The following NCOA2 variants were observed in gnomAD, a reference collection of about 807,000 sequenced individuals.
NCOA2 encodes the protein nuclear receptor coactivator 2.
In NCOA2, 21 loss-of-function variants were observed where a neutral mutation model predicts 145.1. That is an observed-to-expected ratio of 0.14 (90% CI 0.10 to 0.21). The LOEUF is 0.21. NCOA2 is among the 10% of genes least tolerant of loss of function. The pLI is 1.00. For missense variants in NCOA2, 1,472 were observed against 1,837.6 expected (o/e 0.80, Z 3.64); for synonymous variants, 619 against 637.5 (o/e 0.97, Z 0.44).
intron 2 of NCOA2, among the ~76,000 whole-genome samples, chr8:70,240,135 C>T (rs147673869): frequency 2.6e-5 from 4 of 152,292 alleles, no homozygotes; most frequent in African/African-American, 7.2e-5. Flanking sequence ...TCTCCTAACA[C>T]GGCCTTGAAC....
chr8:70,143,129 T>C (rs1266287671), intron 13 of NCOA2, among the ~76,000 whole-genome samples: 7 of 152,174 alleles, frequency 4.6e-5, no homozygotes, highest in Admixed American at 2.0e-4. Flanking sequence ...TTTGTATTTT[T>C]AGTGGAGATG....
chr8:70,452,583 G>A, the NCOA2 span, among the ~76,000 whole-genome samples: 2 of 152,064 alleles, frequency 1.3e-5, no homozygotes, highest in Admixed American at 6.6e-5. Context: ...AATGTGTGTG[G>A]GGTCTCCTTT....
chr8:70,180,275 T>C (rs1183864213), intron 4 of NCOA2, among the ~76,000 whole-genome samples: 1 of 152,230 alleles, frequency 6.6e-6, no homozygotes, highest in African/African-American at 2.4e-5. Context: ...CAAAACCTGA[T>C]TGGAGAGATC....
At position 70,353,793 on chromosome 8, in the gene NCOA2, T is replaced by C. The variant is rs995218248; in HGVS notation, c.-77+49907A>G. On this transcript the variant is annotated intron_variant, in intron 1 of 22. Coordinates refer to ENST00000452400, the MANE Select transcript of NCOA2 (RefSeq NM_006540.4). Reference sequence around the variant, plus strand: ...TATACGATTTAAGTACGCTTGATTATGTAAGCTTGCGCAGTGTCCTAGAAT... The same window carrying C: ...TATACGATTTAAGTACGCTTGATTACGTAAGCTTGCGCAGTGTCCTAGAAT... Among the ~76,000 whole-genome samples, 10 of 152,188 alleles carry C rather than the reference T, an allele frequency of 6.6e-5. 1 individual carries two copies. The East Asian group carries it at 1.4e-3, about 21-fold the overall frequency.
chr8:70,407,720 C>T (rs538450417), upstream of NCOA2, among the ~76,000 whole-genome samples: 4 of 152,136 alleles, frequency 2.6e-5, no homozygotes, highest in South Asian at 4.2e-4. Flanking sequence ...TTGTTTGAAC[C>T]GGGAGGCGGA....
At chr8:70,228,763 TGAAA>T (rs1820884126) in intron 2 of NCOA2, among the ~76,000 whole-genome samples, 1 of 152,202 alleles carries the variant, frequency 6.6e-6, no homozygotes, top group Non-Finnish European at 1.5e-5. Context: ...GAATGAAACT[TGAAA>T]GAAATTGAGA....
At chr8:70,301,887 G>C (rs1827536052) in intron 1 of NCOA2, among the ~76,000 whole-genome samples, 1 of 152,044 alleles carries the variant, frequency 6.6e-6, no homozygotes, top group Non-Finnish European at 1.5e-5. Flanking sequence ...ACAGGGAACA[G>C]AAGAAAAAGC....
the NCOA2 span, among the ~76,000 whole-genome samples, chr8:70,411,525 T>G: frequency 6.6e-6 from 1 of 152,238 alleles, no homozygotes; most frequent in East Asian, 1.9e-4. Context: ...CAATATCCAT[T>G]AAAGCTGAGC....
chr8:70,448,820 T>A, the NCOA2 span, among the ~76,000 whole-genome samples: 153 of 140,734 alleles, frequency 1.1e-3, 1 homozygote, highest in African/African-American at 3.9e-3. Flanking sequence ...TTTTTTTTTT[T>A]AAGAGACAGA....
At chr8:70,280,670 T>C (rs181201927) in intron 2 of NCOA2, among the ~76,000 whole-genome samples, 10 of 152,270 alleles carry the variant, frequency 6.6e-5, no homozygotes, top group African/African-American at 2.4e-4. Flanking sequence ...TGAGACATCA[T>C]CTGTGTCCTC....
chr8:70,236,991 AAGAC>A (rs1207711946), intron 2 of NCOA2, among the ~76,000 whole-genome samples: 1 of 152,214 alleles, frequency 6.6e-6, no homozygotes, highest in Non-Finnish European at 1.5e-5. Context: ...AGCTCTTTGA[AAGAC>A]AGAAAGGAAG....
chr8:70,410,617 G>A, the NCOA2 span, among the ~76,000 whole-genome samples: 1 of 152,072 alleles, frequency 6.6e-6, no homozygotes, highest in African/African-American at 2.4e-5. Context: ...ACACAAGCAT[G>A]GCCGATGTTT....
chr8:70,456,095 C>A, the NCOA2 span, among the ~76,000 whole-genome samples: 1 of 150,974 alleles, frequency 6.6e-6, no homozygotes, highest in East Asian at 1.9e-4. Context: ...AAAAAAAATG[C>A]CCGCATCTGA....
In NCOA2 at chr8:70,208,716, A is replaced by G. The variant is rs569693731; in HGVS notation, c.259+5187T>C. On this transcript the variant is annotated intron_variant, in intron 4 of 22. Transcript: ENST00000452400. ...CTGCCTGTGCCCTGAAATAACAAAG[A>G]CTGAATGTCAGCACATTTGTTTATA... Among the ~76,000 whole-genome samples the G allele has an allele frequency of 2.0e-5, 3 of 152,316 alleles. No individual in the cohort carries two copies. In the South Asian group the frequency reaches 6.2e-4, roughly 32 times the overall value.
chr8:70,153,493 C>T (rs184908782), intron 11 of NCOA2, among the ~76,000 whole-genome samples: 2,505 of 152,300 alleles, frequency 0.016, 71 homozygotes, highest in Non-Finnish European at 0.016. Flanking sequence ...AGAGTGGCCC[C>T]TTTCCTTGAC....
At chr8:70,339,419 A>C (rs1190881915) in intron 1 of NCOA2, among the ~76,000 whole-genome samples, 1 of 152,186 alleles carries the variant, frequency 6.6e-6, no homozygotes, top group African/African-American at 2.4e-5. Context: ...ACCACTGCTC[A>C]ACGAAATCAC....
chr8:70,262,182 T>C (rs1824191713), intron 2 of NCOA2, among the ~76,000 whole-genome samples: 1 of 152,174 alleles, frequency 6.6e-6, no homozygotes, highest in African/African-American at 2.4e-5. Context: ...TGGTAAACAC[T>C]TTATATATAT....
chr8:70,342,860 T>C (rs999617199), intron 1 of NCOA2, among the ~76,000 whole-genome samples: 1 of 151,650 alleles, frequency 6.6e-6, no homozygotes, highest in Non-Finnish European at 1.5e-5. Flanking sequence ...GAATTTTTTT[T>C]TTACCCAAGC....
intron 4 of NCOA2, among the ~76,000 whole-genome samples, chr8:70,205,084 G>C (rs1357599786): frequency 6.6e-6 from 1 of 152,100 alleles, no homozygotes; most frequent in Non-Finnish European, 1.5e-5. Context: ...TCATTCAGTG[G>C]GTGAAGAGAA....
Sources: allele counts gnomAD v4.1 joint callset (sites outside exome capture counted in the v4.1 genomes callset), GRCh38; gene constraint gnomAD v4.1.1; transcripts MANE v1.5; gene names NCBI Gene and HGNC (gene_info 2026-07-23, HGNC 2026-07-21).